TEAD4: variants seen among roughly 807,000 people sequenced by gnomAD.
The protein encoded by TEAD4 is TEA domain transcription factor 4.
TEAD4 carries 36 observed loss-of-function variants against 52.4 expected under a neutral mutation model. That is an observed-to-expected ratio of 0.69 (90% CI 0.53 to 0.91). The LOEUF (loss-of-function observed/expected upper bound fraction) is 0.91. Among genes scored for constraint, TEAD4 ranks in the 40% least tolerant of loss-of-function variants. TEAD4 has a pLI of 0.00. For missense variants in TEAD4, 508 were observed against 583.9 expected (o/e 0.87, Z 1.34); for synonymous variants, 220 against 231.0 (o/e 0.95, Z 0.43).
rs376192908 is a variant in TEAD4 at position 3,040,451 on chromosome 12, C to T, written c.1278C>T (p.His426=). Residue 426 remains histidine (H), a synonymous_variant, in exon 13 of 13, where the codon CAC becomes CAT. Coordinates refer to ENST00000359864, the MANE Select transcript of TEAD4 (RefSeq NM_003213.4). ...CAGCCAGTGAGCACGGGGCTCAGCA[C>T]CACATCTACAGGCTGGTGAAAGAAT... 5.0e-6 allele frequency: 8 copies of T among 1,614,000 alleles called. No individual in the cohort carries two copies. In the African/African-American group the frequency reaches 1.1e-4, roughly 22 times the overall value.
chr12:3,003,811 GCCT>G (rs1368021870), intron 3 of TEAD4, among the ~76,000 whole-genome samples: 4 of 152,284 alleles, frequency 2.6e-5, no homozygotes, highest in Non-Finnish European at 4.4e-5. Context: ...TGCCTGACTG[GCCT>G]CCTCCTTCCC....
intron 9 of TEAD4, among the ~76,000 whole-genome samples, chr12:3,021,300 C>T (rs112467061): frequency 0.028 from 3,728 of 131,568 alleles, 85 homozygotes; most frequent in African/African-American, 0.064. Context: ...CTGACATCTT[C>T]AAACTTCTTT....
At chr12:3,011,127 C>T (rs2098259974) in intron 4 of TEAD4, 59 bp downstream of exon 4, 1 of 1,591,594 alleles carries the variant, frequency 6.3e-7, no homozygotes. Context: ...CAGTCTGCTC[C>T]CAAGGTGGGC....
chr12:2,994,927 C>T lies in TEAD4; in HGVS notation c.161C>T (p.Ala54Val). 6.2e-7 allele frequency: 1 copy of T among 1,614,154 alleles called. No individual in the cohort carries two copies. Among genetic ancestry groups the T allele is most frequent in the Non-Finnish European group, 8.5e-7 (1 of 1,180,020 alleles). ...GATATTGAGCAGAGTTTCCAGGAGG[C>T]CCTCGCCATCTACCCGCCCTGTGGC... Residue 54 changes from alanine to valine, a missense_variant, in exon 3 of 13, where the codon GCC (alanine) becomes GTC (valine). By Grantham distance (64) the Ala-to-Val change is moderately conservative. Coordinates refer to ENST00000359864, the MANE Select transcript of TEAD4 (RefSeq NM_003213.4). The surrounding 1 kb of genome is among the most constrained non-coding windows in gnomAD (Gnocchi z 4.7).
At chr12:2,985,306 G>A (rs1193687106) in intron 2 of TEAD4, among the ~76,000 whole-genome samples, 2 of 151,542 alleles carry the variant, frequency 1.3e-5, no homozygotes, top group Non-Finnish European at 2.9e-5. Context: ...AATGGCATGA[G>A]CCTGGGAGGT....
chr12:2,976,781 T>TGCCGCCACCCCAC (rs1292729567), intron 2 of TEAD4, among the ~76,000 whole-genome samples: 1 of 151,898 alleles, frequency 6.6e-6, no homozygotes, highest in Non-Finnish European at 1.5e-5. Context: ...CGCCACCCCA[T>TGCCGCCACCCCAC]TGCCGCCCGG....
chr12:2,986,112 AAT>A (rs1244410502), intron 2 of TEAD4, among the ~76,000 whole-genome samples: 2 of 151,970 alleles, frequency 1.3e-5, no homozygotes, highest in African/African-American at 4.8e-5. Context: ...AAAAAAAAAT[AAT>A]AAAAACAGAG....
chr12:2,962,330 A>ATATAAATATATATG (rs1299582220), intron 2 of TEAD4, among the ~76,000 whole-genome samples: 1 of 92,870 alleles, frequency 1.1e-5, no homozygotes, highest in East Asian at 2.5e-4. Context: ...ATATATAAAT[A>ATATAAATATATATG]TAAATATATA....
chr12:2,965,556 A>G (rs1408956660), intron 2 of TEAD4, among the ~76,000 whole-genome samples: 1 of 151,268 alleles, frequency 6.6e-6, no homozygotes, highest in Non-Finnish European at 1.5e-5. Flanking sequence ...ATTTCAGTGT[A>G]ATAATTTTTT....
intron 2 of TEAD4, among the ~76,000 whole-genome samples, chr12:2,975,189 A>G (rs2098228540): frequency 6.8e-6 from 1 of 147,978 alleles, no homozygotes; most frequent in Non-Finnish European, 1.5e-5. Flanking sequence ...CAAACAAAAA[A>G]AGACTATAAT....
intron 2 of TEAD4, among the ~76,000 whole-genome samples, chr12:2,963,209 A>C (rs573127861): frequency 6.6e-6 from 1 of 151,964 alleles, no homozygotes; most frequent in Non-Finnish European, 1.5e-5. Flanking sequence ...AAATGTCACA[A>C]CCTCCTTTGA....
chr12:3,026,241 T>C (rs61918011), intron 10 of TEAD4, among the ~76,000 whole-genome samples: 92,007 of 151,816 alleles, frequency 0.61, 33,462 homozygotes, highest in East Asian at 0.94. Flanking sequence ...TTTTACCATT[T>C]ATTTTCAATC....
chr12:2,960,736 G>A (rs906610121), intron 2 of TEAD4, among the ~76,000 whole-genome samples: 5 of 152,216 alleles, frequency 3.3e-5, no homozygotes, highest in Non-Finnish European at 7.3e-5. Context: ...CTGAAAGTGA[G>A]TATCTCTGAG....
intron 10 of TEAD4, among the ~76,000 whole-genome samples, chr12:3,034,193 C>T (rs1345450013): frequency 2.6e-5 from 4 of 151,972 alleles, no homozygotes; most frequent in Non-Finnish European, 5.9e-5. Flanking sequence ...GGCACCTGAG[C>T]GATGGGAAGA....
chr12:2,995,439 G>A (rs981891447), intron 3 of TEAD4, among the ~76,000 whole-genome samples: 1 of 152,158 alleles, frequency 6.6e-6, no homozygotes, highest in Non-Finnish European at 1.5e-5. Context: ...TCTAGTCCCA[G>A]CCTGTCATCT....
In TEAD4 at chr12:2,987,638, G is replaced by C. The variant is rs536414395; in HGVS notation, c.-29-7100G>C. 6.4e-4 allele frequency among the ~76,000 whole-genome samples: 97 copies of C among 151,370 alleles called. No homozygotes were observed. The East Asian group carries it at 0.016, about 25-fold the overall frequency. ...TTTAGTAGAGACGGGGTTTCACCGT[G>C]GTCTCGATCTCCTGACCTCGTGATC... On this transcript the variant is annotated intron_variant, in intron 2 of 12. Coordinates refer to ENST00000359864, the MANE Select transcript of TEAD4 (RefSeq NM_003213.4).
intron 2 of TEAD4, among the ~76,000 whole-genome samples, chr12:2,980,283 A>G (rs1220580124): frequency 6.6e-6 from 1 of 152,118 alleles, no homozygotes; most frequent in Non-Finnish European, 1.5e-5. Flanking sequence ...CCATGCAACG[A>G]AAGAGACCAA....
intron 10 of TEAD4, among the ~76,000 whole-genome samples, chr12:3,031,821 G>A (rs1051943457): frequency 6.6e-6 from 1 of 152,176 alleles, no homozygotes; most frequent in East Asian, 1.9e-4. Context: ...ACCAGACCAC[G>A]GGTCCATACC....
intron 11 of TEAD4, 61 bp downstream of exon 11, chr12:3,038,169 C>T (rs2153958812): frequency 6.4e-7 from 1 of 1,558,606 alleles, no homozygotes; most frequent in Non-Finnish European, 8.7e-7. Flanking sequence ...CTGGGCATGG[C>T]TTCCATTTGC....
Sources: allele counts gnomAD v4.1 joint callset (sites outside exome capture counted in the v4.1 genomes callset), GRCh38; gene constraint gnomAD v4.1.1; non-coding constraint Gnocchi (gnomAD v3.1); transcripts MANE v1.5; gene names NCBI Gene and HGNC (gene_info 2026-07-23, HGNC 2026-07-21).